ATP11B: variants seen among roughly 807,000 people sequenced by gnomAD.
ATP11B encodes the protein ATPase phospholipid transporting 11B (putative).
In ATP11B, 81 loss-of-function variants were observed where a neutral mutation model predicts 157.8. The ratio of observed to expected loss-of-function variants is 0.51; its 90% CI spans 0.43 to 0.62. The LOEUF (loss-of-function observed/expected upper bound fraction) is 0.62, where lower values mean the gene tolerates loss of function less well. Ranked by LOEUF, ATP11B falls within the 20% of genes least tolerant of loss-of-function variation. The pLI is 0.00. For missense variants in ATP11B, 1,165 were observed against 1,402.2 expected, an observed-to-expected ratio of 0.83 and a Z score of 2.70; for synonymous variants, 451 against 469.4, an observed-to-expected ratio of 0.96 and a Z score of 0.51.
intron 1 of ATP11B, among the ~76,000 whole-genome samples, chr3:182,817,282 T>TG (rs1553796726): frequency 1.3e-5 from 2 of 152,018 alleles, no homozygotes; most frequent in African/African-American, 4.8e-5. Flanking sequence ...CCGTTTTTTT[T>TG]TTTGTTTGTT....
chr3:182,813,285 A>C (rs982584031), intron 1 of ATP11B, among the ~76,000 whole-genome samples: 1 of 152,140 alleles, frequency 6.6e-6, no homozygotes, highest in East Asian at 1.9e-4. Context: ...TTTTTGAGAA[A>C]CTGCCATACC....
At chr3:182,888,230 A>ATC (rs997676014) in intron 24 of ATP11B, among the ~76,000 whole-genome samples, 14 of 152,172 alleles carry the variant, frequency 9.2e-5, no homozygotes, top group Non-Finnish European at 1.8e-4. Flanking sequence ...TCTTATAGAG[A>ATC]TAGCTATTGA....
intron 1 of ATP11B, among the ~76,000 whole-genome samples, chr3:182,804,552 T>C (rs1716207297): frequency 6.6e-6 from 1 of 152,168 alleles, no homozygotes. Flanking sequence ...ATTTCTTAAC[T>C]CCAGTGTTCT....
intron 21 of ATP11B, among the ~76,000 whole-genome samples, chr3:182,881,249 C>T (rs1394804952): frequency 3.3e-5 from 5 of 152,120 alleles, no homozygotes; most frequent in East Asian, 1.9e-4. Context: ...ACCTGACCAA[C>T]GTGGTGAAAC....
chr3:182,876,918 T>C (rs1380110390), intron 19 of ATP11B, among the ~76,000 whole-genome samples: 1 of 152,228 alleles, frequency 6.6e-6, no homozygotes, highest in Non-Finnish European at 1.5e-5. Context: ...ATATATTTTA[T>C]GAGATAACCA....
Position 182,887,704 on chromosome 3 carries a change from C to T in ATP11B, c.2834C>T (p.Thr945Ile), listed in dbSNP as rs763397061. The T allele has an allele frequency of 6.2e-7, 1 of 1,609,446 alleles. No homozygotes were observed. The highest frequency in any genetic ancestry group is 1.1e-5 in the South Asian group (1 of 89,760). Residue 945 changes from threonine (T) to isoleucine (I), a missense_variant, in exon 24 of 30, where the codon ACC (threonine) becomes ATC (isoleucine). Thr to Ile is a moderately conservative substitution (Grantham distance 89). Transcript: ENST00000323116. ...CCTCATGTGTTACAAAATAAGCCCA[C>T]CCTTTATCGGTAAGTATTTTCTGGT... Reference protein sequence around the residue: ...VDPHVLQNKPTLYRDISKNRL... With the variant: ...VDPHVLQNKPILYRDISKNRL...
At chr3:182,915,418 G>A in intron 29 of ATP11B, 3 of 985,298 alleles carry the variant, frequency 3.0e-6, no homozygotes, top group Non-Finnish European at 2.4e-6. Flanking sequence ...ATTATAAAAT[G>A]TGGCTCTGTC....
At chr3:182,829,054 CT>C (rs1187134809) in intron 3 of ATP11B, among the ~76,000 whole-genome samples, 10 of 152,088 alleles carry the variant, frequency 6.6e-5, no homozygotes, top group African/African-American at 2.4e-4. Context: ...CAAGGAACTT[CT>C]GATTTTCTGC....
At chr3:182,793,829 G>C (rs1300880493) in intron 1 of ATP11B, 43 bp downstream of exon 1, 4 of 1,247,908 alleles carry the variant, frequency 3.2e-6, no homozygotes, top group Admixed American at 3.8e-5. Context: ...CCGCCCCCGC[G>C]GGGCCTCTCG....
At chr3:182,879,920 C>T (rs773004322) in intron 20 of ATP11B, among the ~76,000 whole-genome samples, 2 of 152,274 alleles carry the variant, frequency 1.3e-5, no homozygotes, top group Non-Finnish European at 1.5e-5. Flanking sequence ...ACTAATGTTT[C>T]GCAAGTTAGC....
At chr3:182,806,151 A>G (rs917860548) in intron 1 of ATP11B, among the ~76,000 whole-genome samples, 1 of 152,202 alleles carries the variant, frequency 6.6e-6, no homozygotes, top group African/African-American at 2.4e-5. Flanking sequence ...TTCTAGATTA[A>G]TGGTTACTTT....
chr3:182,864,372 G>T (rs899787777), intron 12 of ATP11B, among the ~76,000 whole-genome samples: 1 of 152,104 alleles, frequency 6.6e-6, no homozygotes, highest in Non-Finnish European at 1.5e-5. Flanking sequence ...CATAAGGTAC[G>T]ATGTTAACTG....
intron 4 of ATP11B, chr3:182,833,836 C>A (rs2108508788): frequency 6.6e-6 from 1 of 152,228 alleles, no homozygotes. Context: ...TGGGCAAAGG[C>A]CCAAGTGCAA....
In ATP11B at chr3:182,873,871, G is replaced by A; in HGVS notation, c.2108G>A (p.Trp703Ter). The change falls in exon 19 of 30, where the codon TGG becomes TAG. Residue 703 changes from tryptophan (W) to a stop codon, truncating the protein, a stop_gained. Coordinates refer to ENST00000323116, the MANE Select transcript of ATP11B (RefSeq NM_014616.3). LOFTEE classifies it high-confidence loss of function. ...TTGAGAATGGCTGGTATCAAAGTAT[G>A]GGTACTTACTGGGGATAAACATGAA... ...EALRMAGIKVWVLTGDKHETA... is the reference protein window; with the variant it reads ...EALRMAGIKV 1 of 1,614,114 alleles carries A rather than the reference G, an allele frequency of 6.2e-7. No homozygotes were observed. Among genetic ancestry groups the A allele is most frequent in the Non-Finnish European group, 8.5e-7 (1 of 1,179,978 alleles).
rs187049183 is a variant in ATP11B at position 182,832,504 on chromosome 3, A to G, written c.315+2752A>G. ...TGTATCTATTTATTACTGTAGATCA[A>G]TAGAACAAATTTTGGAAAAACTGTA... On this transcript the variant is annotated intron_variant, in intron 4 of 29. Coordinates refer to ENST00000323116, the MANE Select transcript of ATP11B (RefSeq NM_014616.3). Among the ~76,000 whole-genome samples the G allele has an allele frequency of 2.0e-3, 306 of 152,336 alleles. 3 individuals carry two copies. The highest frequency in any genetic ancestry group is 3.7e-3 in the Non-Finnish European group (255 of 68,006).
Position 182,877,330 on chromosome 3 carries a change from A to T in ATP11B, c.2253-2166A>T, listed in dbSNP as rs192327358. Among the ~76,000 whole-genome samples, 64 of 152,230 alleles carry T rather than the reference A, an allele frequency of 4.2e-4. 1 individual carries two copies. Among genetic ancestry groups the T allele is most frequent in the Middle Eastern group, 3.4e-3 (1 of 294 alleles). On this transcript the variant is annotated intron_variant, in intron 19 of 29. Coordinates refer to ENST00000323116, the MANE Select transcript of ATP11B (RefSeq NM_014616.3). ...GGACAGAGAGTGACACTAAGAAGCA[A>T]ACGGGAGGCTGGGCACAGTGGCTCA...
At position 182,889,488 on chromosome 3, in the gene ATP11B, T is replaced by C. The variant is rs1254265273; in HGVS notation, c.2922T>C (p.Ile974=). The C allele has an allele frequency of 1.3e-6, 2 of 1,576,192 alleles. No homozygotes were observed. Among genetic ancestry groups the C allele is most frequent in the African/African-American group, 2.8e-5 (2 of 72,116 alleles). ...TCCTGGGCTTCAGTCATGCCTTTATTTTCTTTTTTGGATCCTATTTACTAA... is the reference window on the plus strand; with the variant it reads ...TCCTGGGCTTCAGTCATGCCTTTATCTTCTTTTTTGGATCCTATTTACTAA... ...WTILGFSHAF[I]FFFGSYLLIG... The change falls in exon 25 of 30, where the codon ATT becomes ATC. Residue 974 remains isoleucine (I), a synonymous_variant. Coordinates refer to ENST00000323116, the MANE Select transcript of ATP11B (RefSeq NM_014616.3).
chr3:182,831,938 T>G (rs1718180930), intron 4 of ATP11B, among the ~76,000 whole-genome samples: 1 of 152,170 alleles, frequency 6.6e-6, no homozygotes, highest in Admixed American at 6.5e-5. Context: ...ATGCACATAT[T>G]GGGCCTTCAG....
intron 28 of ATP11B, among the ~76,000 whole-genome samples, chr3:182,903,441 T>C (rs1307634591): frequency 6.6e-6 from 1 of 152,194 alleles, no homozygotes; most frequent in African/African-American, 2.4e-5. Flanking sequence ...TCTGATCAAA[T>C]GAATGGCTTT....
Sources: gnomAD v4.1 joint callset for allele counts (sites outside exome capture counted in the v4.1 genomes callset) on GRCh38, gnomAD v4.1.1 for gene constraint, MANE v1.5 for transcripts, NCBI Gene and HGNC (gene_info 2026-07-23, HGNC 2026-07-21) for gene names.